SLCO5A1: variants seen among roughly 807,000 people sequenced by gnomAD.
SLCO5A1 encodes organic anion transporter polypeptide-related protein 4.
In SLCO5A1, 39 loss-of-function variants were observed where a neutral mutation model predicts 65.1. That is an observed-to-expected ratio of 0.60 (90% confidence interval 0.46 to 0.78). The LOEUF is 0.78. Ranked by LOEUF, SLCO5A1 falls within the 30% of genes least tolerant of loss-of-function variation. The pLI is 0.00. For missense variants in SLCO5A1, 1,029 were observed against 1,069.4 expected (o/e 0.96, Z 0.53); for synonymous variants, 438 against 415.7 (o/e 1.05, Z -0.65).
Position 69,832,792 on chromosome 8 carries a change from G to C in SLCO5A1, c.-119C>G. The C allele has an allele frequency of 8.3e-7, 1 of 1,208,254 alleles. No individual in the cohort carries two copies. Among genetic ancestry groups the C allele is most frequent in the African/African-American group, 1.5e-5 (1 of 65,588 alleles). 74.8% of individuals were successfully genotyped at this position (1,208,254 alleles called of 1,614,324 possible). A position where few individuals can be genotyped will look rare whatever the true frequency, so the allele number is the denominator to read the frequency against. The stretch of plus-strand genomic sequence containing the variant: ...GTCTTGCCCACCTGGGACTGGGGCT[G>C]GGGGCGCAGGGCCGCGCAGCAGGGC... On this transcript the variant is annotated 5_prime_UTR_variant, in exon 2 of 10. Transcript: ENST00000260126. The surrounding 1 kb of genome is among the most constrained non-coding windows in gnomAD (Gnocchi z 4.5).
intron 7 of SLCO5A1, 100 bp from the exon 8 acceptor site, chr8:69,679,719 C>T (rs1813688767): frequency 2.0e-6 from 3 of 1,486,264 alleles, no homozygotes; most frequent in Non-Finnish European, 2.7e-6. Flanking sequence ...TAAAATAGCT[C>T]AAATATTTTT....
chr8:69,751,714 T>C (rs1817310241), intron 4 of SLCO5A1, among the ~76,000 whole-genome samples: 1 of 152,022 alleles, frequency 6.6e-6, no homozygotes, highest in African/African-American at 2.4e-5. Context: ...GCCCATCTAA[T>C]TTTTTTATTT....
chr8:69,810,918 T>G (rs565386083), intron 2 of SLCO5A1, among the ~76,000 whole-genome samples: 2 of 152,268 alleles, frequency 1.3e-5, no homozygotes, highest in East Asian at 3.9e-4. Flanking sequence ...CCAAACACAG[T>G]ACACAGACAT....
intron 6 of SLCO5A1, among the ~76,000 whole-genome samples, chr8:69,703,786 A>T (rs1814850888): frequency 6.6e-6 from 1 of 152,246 alleles, no homozygotes; most frequent in Non-Finnish European, 1.5e-5. Context: ...AACTATTTTT[A>T]AAAATTAAAT....
At chr8:69,802,689 A>G (rs914510161) in intron 2 of SLCO5A1, among the ~76,000 whole-genome samples, 31 of 152,026 alleles carry the variant, frequency 2.0e-4, no homozygotes, top group African/African-American at 7.5e-4. Context: ...TGAGGCTCCA[A>G]CACACCAAAC....
At chr8:69,690,728 G>T (rs1056905483) in intron 6 of SLCO5A1, among the ~76,000 whole-genome samples, 26 of 152,178 alleles carry the variant, frequency 1.7e-4, no homozygotes, top group Admixed American at 9.8e-4. Context: ...GGAGCTGGGT[G>T]GAACTGAGTG....
rs1821358856 is a variant in SLCO5A1 at position 69,834,842 on chromosome 8, G to GC, written c.-497+11dup. 6.5e-6 allele frequency: 1 copy of GC among 152,926 alleles called. No homozygotes were observed. Among genetic ancestry groups the GC allele is most frequent in the Non-Finnish European group, 1.5e-5 (1 of 68,940 alleles). The allele number at this position is 152,926 out of a possible 1,614,324, so 9.5% of individuals were successfully genotyped here. On this transcript the variant is annotated intron_variant, in intron 1 of 9. Transcript: ENST00000260126. ...GCCGCGCTGCCCGGGCGCTCAAGCCGCCGCTACTCACTAGCGAGTCTGTCA... is the reference window on the plus strand; with the variant it reads ...GCCGCGCTGCCCGGGCGCTCAAGCCGCCCGCTACTCACTAGCGAGTCTGTCA...
intron 4 of SLCO5A1, among the ~76,000 whole-genome samples, chr8:69,739,152 A>G (rs573033057): frequency 3.9e-5 from 6 of 152,340 alleles, no homozygotes; most frequent in East Asian, 1.9e-4. Flanking sequence ...AGATGTACAT[A>G]TATGTGTGTA....
At chr8:69,789,295 A>T (rs1819167326) in intron 2 of SLCO5A1, among the ~76,000 whole-genome samples, 1 of 152,238 alleles carries the variant, frequency 6.6e-6, no homozygotes, top group South Asian at 2.1e-4. Flanking sequence ...ATACTGTCCC[A>T]AAAATCAGTA....
chr8:69,817,070 T>C (rs1176125415), intron 2 of SLCO5A1, among the ~76,000 whole-genome samples: 1 of 152,230 alleles, frequency 6.6e-6, no homozygotes, highest in African/African-American at 2.4e-5. Flanking sequence ...GTGTTAAGTA[T>C]ATTCACATCA....
At chr8:69,802,815 T>C (rs181860622) in intron 2 of SLCO5A1, among the ~76,000 whole-genome samples, 3 of 152,314 alleles carry the variant, frequency 2.0e-5, no homozygotes, top group African/African-American at 4.8e-5. Flanking sequence ...TATTTGCTTT[T>C]TCTTCATAGC....
At position 69,685,398 on chromosome 8, in the gene SLCO5A1, C is replaced by A. The variant is rs113543066; in HGVS notation, c.1623-3055G>T. On this transcript the variant is annotated intron_variant, in intron 6 of 9. Coordinates refer to ENST00000260126, the MANE Select transcript of SLCO5A1 (RefSeq NM_030958.3). ...ATGCACAAGGACTATTTACTGAAGG[C>A]TGCCCTCATCCTTGTGCAAAAGGAC... 6.0e-3 allele frequency among the ~76,000 whole-genome samples: 917 copies of A among 152,310 alleles called. 17 individuals carry two copies. Among genetic ancestry groups the A allele is most frequent in the African/African-American group, 0.021 (878 of 41,568 alleles).
In SLCO5A1 at chr8:69,784,861, A is replaced by AAGAAAGAAAGAG. The variant is rs1376200828; in HGVS notation, c.908-22987_908-22986insCTCTTTCTTTCT. ...AAAGAAAGAAAGAAAGAAAGAAAGA[A>AAGAAAGAAAGAG]AGGGAAGGAAGGAGAAAGAAAGAAA... On this transcript the variant is annotated intron_variant, in intron 2 of 9. Transcript: ENST00000260126. 3.1e-4 allele frequency among the ~76,000 whole-genome samples: 42 copies of AAGAAAGAAAGAG among 135,418 alleles called. 1 individual carries two copies. The highest frequency in any genetic ancestry group is 1.2e-3 in the African/African-American group (42 of 35,952). 88.8% of individuals were successfully genotyped at this position (135,418 alleles called of 152,430 possible). A position where few individuals can be genotyped will look rare whatever the true frequency, so the allele number is the denominator to read the frequency against.
At chr8:69,785,976 T>C (rs1243107849) in intron 2 of SLCO5A1, among the ~76,000 whole-genome samples, 1 of 152,224 alleles carries the variant, frequency 6.6e-6, no homozygotes, top group African/African-American at 2.4e-5. Flanking sequence ...ATAAATACAC[T>C]ATGTGAAATT....
chr8:69,759,732 A>T (rs1255925871), intron 3 of SLCO5A1, among the ~76,000 whole-genome samples: 1 of 152,098 alleles, frequency 6.6e-6, no homozygotes, highest in East Asian at 1.9e-4. Context: ...TGCAACCTCC[A>T]CCTGCCAGGT....
At chr8:69,699,489 G>C (rs1166927121) in intron 6 of SLCO5A1, among the ~76,000 whole-genome samples, 1 of 152,092 alleles carries the variant, frequency 6.6e-6, no homozygotes, top group African/African-American at 2.4e-5. Flanking sequence ...GCAGCACCCT[G>C]ATGAAAACTC....
Position 69,832,102 on chromosome 8 carries a change from C to T in SLCO5A1, c.572G>A (p.Arg191Gln), listed in dbSNP as rs1821180173. 10 of 1,613,928 alleles carry T rather than the reference C, an allele frequency of 6.2e-6. 1 individual carries two copies. In the Middle Eastern group the frequency reaches 4.9e-4, roughly 80 times the overall value. Residue 191 changes from arginine (R) to glutamine (Q), a missense_variant, in exon 2 of 10, where the codon CGG becomes CAG. Arg to Gln is a conservative substitution (Grantham distance 43). This residue lies in a region of SLCO5A1 where 647 missense variants were observed against 647.5 expected (regional missense o/e 1.00). Transcript: ENST00000260126. This position sits in a 1 kb window ranked among gnomAD's most constrained non-coding sequence, Gnocchi z 4.5. ...VVVFVSYFGG[R>Q]GRRPLWLAVG... ...GGCCAGCCACAGGGGCCGCCGACCCCGGCCGCCGAAGTAGCTGACGAACAC... is the reference window on the plus strand; with the variant it reads ...GGCCAGCCACAGGGGCCGCCGACCCTGGCCGCCGAAGTAGCTGACGAACAC...
At chr8:69,711,476 C>A (rs1250265690) in intron 5 of SLCO5A1, among the ~76,000 whole-genome samples, 1 of 152,164 alleles carries the variant, frequency 6.6e-6, no homozygotes, top group African/African-American at 2.4e-5. Context: ...GATGGATACC[C>A]AAGGACACTT....
intron 5 of SLCO5A1, among the ~76,000 whole-genome samples, chr8:69,730,979 G>A (rs1026496184): frequency 2.0e-5 from 3 of 151,784 alleles, no homozygotes; most frequent in African/African-American, 7.3e-5. Context: ...CAAAGTATTA[G>A]GTTGGTGCAA....
Sources: gnomAD v4.1 joint callset for allele counts (sites outside exome capture counted in the v4.1 genomes callset) on GRCh38, gnomAD v4.1.1 for gene constraint, gnomAD v4.1.1 regional missense constraint, Gnocchi (gnomAD v3.1) non-coding constraint, MANE v1.5 for transcripts, NCBI Gene and HGNC (gene_info 2026-07-23, HGNC 2026-07-21) for gene names.